The following PTPRD variants were observed in gnomAD, a reference collection of about 807,000 sequenced individuals.
PTPRD encodes receptor-type tyrosine-protein phosphatase delta.
PTPRD carries 34 observed loss-of-function variants against 214.5 expected under a neutral mutation model. The ratio of observed to expected loss-of-function variants is 0.16; its 90% confidence interval spans 0.12 to 0.21. The LOEUF (loss-of-function observed/expected upper bound fraction) is 0.21, where lower values mean the gene tolerates loss of function less well. Ranked by LOEUF, PTPRD falls within the 10% of genes least tolerant of loss-of-function variation. The probability of loss-of-function intolerance (pLI) is 1.00; values close to 1 mark genes in which losing one functional copy is unlikely to be tolerated. For synonymous variants in PTPRD, 1,128 were observed against 845.7 expected (o/e 1.33, Z -5.79); for missense variants, 2,545 against 2,398.7 (o/e 1.06, Z -1.27).
At chr9:10,100,264 A>G (rs2098538712) in intron 3 of PTPRD, among the ~76,000 whole-genome samples, 1 of 151,740 alleles carries the variant, frequency 6.6e-6, no homozygotes, top group South Asian at 2.1e-4. Flanking sequence ...CTTTCCATCC[A>G]TCTCATTTAA....
chr9:9,652,234 G>C (rs10816157), intron 7 of PTPRD, among the ~76,000 whole-genome samples: 15,057 of 151,990 alleles, frequency 0.099, 1,313 homozygotes, highest in East Asian at 0.45. Context: ...CTGCTGGCTT[G>C]GCTGATGCCT....
At position 8,511,363 on chromosome 9, in the gene PTPRD, G is replaced by T. The variant is rs1038347838; in HGVS notation, c.1544-3929C>A. Among the ~76,000 whole-genome samples, 8 of 151,956 alleles carry T rather than the reference G, an allele frequency of 5.3e-5. No individual in the cohort carries two copies. In the South Asian group the frequency reaches 1.7e-3, roughly 32 times the overall value. ...TGAGAGTATGGGTGTGAGCCACTGT[G>T]CCTCGCCTTCTTACACACAGATATT... On this transcript the variant is annotated intron_variant, in intron 21 of 45. Coordinates refer to ENST00000381196, the MANE Select transcript of PTPRD (RefSeq NM_002839.4).
At chr9:9,139,758 A>T (rs2099856926) in intron 10 of PTPRD, among the ~76,000 whole-genome samples, 1 of 152,204 alleles carries the variant, frequency 6.6e-6, no homozygotes, top group African/African-American at 2.4e-5. Context: ...GGTTGACCAC[A>T]GGTAATTGAA....
At chr9:10,252,539 TC>T (rs1375441903) in intron 3 of PTPRD, among the ~76,000 whole-genome samples, 9 of 152,100 alleles carry the variant, frequency 5.9e-5, no homozygotes, top group Admixed American at 1.3e-4. Flanking sequence ...ACCCAGTCAC[TC>T]CCAGAGTAAT....
intron 2 of PTPRD, among the ~76,000 whole-genome samples, chr9:10,595,596 G>T (rs974943786): frequency 6.6e-6 from 1 of 151,130 alleles, no homozygotes; most frequent in African/African-American, 2.4e-5. Context: ...AATATAATTT[G>T]CCTATATTAT....
intron 10 of PTPRD, among the ~76,000 whole-genome samples, chr9:9,173,281 C>A (rs746882577): frequency 2.6e-5 from 4 of 152,248 alleles, no homozygotes; most frequent in Middle Eastern, 3.4e-3. Context: ...TATTTCCCTA[C>A]TTTATCTTGT....
intron 5 of PTPRD, among the ~76,000 whole-genome samples, chr9:9,856,305 G>A (rs933419819): frequency 2.0e-5 from 3 of 152,066 alleles, no homozygotes; most frequent in African/African-American, 7.2e-5. Context: ...GGTGGTTTAC[G>A]AAAAGGCAAC....
At chr9:9,321,219 T>A (rs1327562270) in intron 9 of PTPRD, among the ~76,000 whole-genome samples, 1 of 152,172 alleles carries the variant, frequency 6.6e-6, no homozygotes, top group African/African-American at 2.4e-5. Context: ...ATTTGGGCCC[T>A]AAAGACATTT....
chr9:8,703,434 C>A (rs1177214405), intron 12 of PTPRD, among the ~76,000 whole-genome samples: 4 of 152,204 alleles, frequency 2.6e-5, no homozygotes, highest in Admixed American at 2.0e-4. Flanking sequence ...CCACCTCAGT[C>A]TCCCTGATGT....
At chr9:8,739,922 T>G (rs2091482234) in intron 11 of PTPRD, among the ~76,000 whole-genome samples, 1 of 152,168 alleles carries the variant, frequency 6.6e-6, no homozygotes, top group Admixed American at 6.5e-5. Context: ...ATGTGAGATG[T>G]GACTTTCACC....
Position 9,938,563 on chromosome 9 carries a change from C to T in PTPRD, c.-424G>A, listed in dbSNP as rs78664932. The T allele has an allele frequency of 6.6e-6, 1 of 152,230 alleles. No individual in the cohort carries two copies. The highest frequency in any genetic ancestry group is 2.4e-5 in the African/African-American group (1 of 41,548). 9.4% of individuals were successfully genotyped at this position (152,230 alleles called of 1,614,324 possible). On this transcript the variant is annotated 5_prime_UTR_variant, in exon 5 of 46. Transcript: ENST00000381196. ...CCAACATGCTGTCAGTCAGACACCTCTAACTGGAATATCACGGGCCAGGAA... is the reference window on the plus strand; with the variant it reads ...CCAACATGCTGTCAGTCAGACACCTTTAACTGGAATATCACGGGCCAGGAA...
intron 9 of PTPRD, among the ~76,000 whole-genome samples, chr9:9,358,342 C>G (rs1466568756): frequency 6.6e-6 from 1 of 151,040 alleles, no homozygotes; most frequent in African/African-American, 2.4e-5. Flanking sequence ...AGCATGTATT[C>G]TTTTTGGTGC....
chr9:8,426,611 G>C (rs1259876617), intron 35 of PTPRD, among the ~76,000 whole-genome samples: 1 of 152,100 alleles, frequency 6.6e-6, no homozygotes, highest in Non-Finnish European at 1.5e-5. Context: ...ATTAGTTATA[G>C]AGAACTTGTA....
chr9:9,287,522 G>A (rs569071568), intron 9 of PTPRD, among the ~76,000 whole-genome samples: 15 of 151,952 alleles, frequency 9.9e-5, no homozygotes, highest in African/African-American at 3.1e-4. Flanking sequence ...TACTCAGTAC[G>A]TTATCATTTA....
At chr9:9,831,067 A>G (rs1189176430) in intron 5 of PTPRD, among the ~76,000 whole-genome samples, 2 of 151,924 alleles carry the variant, frequency 1.3e-5, no homozygotes, top group East Asian at 3.9e-4. Flanking sequence ...GAAATGCCTT[A>G]TTTATTATAG....
At position 10,109,220 on chromosome 9, in the gene PTPRD, G is replaced by A. The variant is rs75516937; in HGVS notation, c.-544-75430C>T. On this transcript the variant is annotated intron_variant, in intron 3 of 45. Coordinates refer to ENST00000381196, the MANE Select transcript of PTPRD (RefSeq NM_002839.4). ...CTGCATTTTTATTTCTTGCTTCTGT[G>A]AAGTTTTGTTTCTGATAGATGACTA... 3.1e-3 allele frequency among the ~76,000 whole-genome samples: 469 copies of A among 152,268 alleles called. 2 individuals carry two copies. The highest frequency in any genetic ancestry group is 0.011 in the African/African-American group (445 of 41,566).
intron 19 of PTPRD, among the ~76,000 whole-genome samples, chr9:8,521,838 A>T (rs533366373): frequency 6.6e-6 from 1 of 152,344 alleles, no homozygotes; most frequent in African/African-American, 2.4e-5. Flanking sequence ...ACAATACACA[A>T]ACATCATGCA....
At chr9:8,636,660 C>T (rs757540825) in intron 13 of PTPRD, 39 bp downstream of exon 13, 1 of 1,607,574 alleles carries the variant, frequency 6.2e-7, no homozygotes, top group South Asian at 1.1e-5. Context: ...AGAGCAGATA[C>T]ATTCTTCCCC....
chr9:9,202,758 T>C (rs1250610079), intron 9 of PTPRD, among the ~76,000 whole-genome samples: 1 of 152,238 alleles, frequency 6.6e-6, no homozygotes. Context: ...CAGTTAGCAC[T>C]GAACACAACT....
Sources: allele counts gnomAD v4.1 joint callset (sites outside exome capture counted in the v4.1 genomes callset), GRCh38; gene constraint gnomAD v4.1.1; transcripts MANE v1.5; gene names NCBI Gene and HGNC (gene_info 2026-07-23, HGNC 2026-07-21).